Variants in CNBD2 observed in about 807,000 individuals in gnomAD.
CNBD2 encodes the protein cyclic nucleotide binding domain containing 2.
CNBD2 carries 64 observed loss-of-function variants against 63.7 expected under a neutral mutation model. The ratio of observed to expected loss-of-function variants is 1.00; its 90% CI spans 0.82 to 1.24. The LOEUF is 1.24. Ranked by LOEUF, CNBD2 falls within the 50% of genes most tolerant of loss-of-function variation. The probability of loss-of-function intolerance (pLI) is 0.00; values close to 1 mark genes in which losing one functional copy is unlikely to be tolerated. For synonymous variants in CNBD2, 229 were observed against 255.4 expected, an observed-to-expected ratio of 0.90 and a Z score of 0.99; for missense variants, 691 against 713.5, an observed-to-expected ratio of 0.97 and a Z score of 0.36.
At chr20:35,960,782 CATTCTCTTCCCTTCTCTTCCCTTCT>C (rs1568838683) in intron 2 of CNBD2, among the ~76,000 whole-genome samples, 3 of 86,108 alleles carry the variant, frequency 3.5e-5, no homozygotes, top group African/African-American at 7.6e-5. Context: ...CCTTCTCTTC[CATTCTCTTCCCTTCTCTTCCCTTCT>C]CTTCCCTTCC....
Position 35,968,793 on chromosome 20 carries a change from C to T in CNBD2, c.31C>T (p.Gln11Ter). ...GAGACATATGGTAACTTATGCCTGGCAGCTCCTGAAGAAGGAACTGGTGAG... is the reference window on the plus strand; with the variant it reads ...GAGACATATGGTAACTTATGCCTGGTAGCTCCTGAAGAAGGAACTGGTGAG... MRRHMVTYAW[Q>*]LLKKELGLYQ... Residue 11 changes from glutamine (Q) to a stop codon, truncating the protein, a stop_gained, in exon 1 of 12, where the codon CAG (glutamine) becomes TAG (stop). Coordinates refer to ENST00000373973, the MANE Select transcript of CNBD2 (RefSeq NM_001365709.1). LOFTEE classifies it high-confidence loss of function. 1 of 1,608,296 alleles carries T rather than the reference C, an allele frequency of 6.2e-7. No individual in the cohort carries two copies. The highest frequency in any genetic ancestry group is 1.7e-5 in the Admixed American group (1 of 59,214).
chr20:35,994,901 A>C (rs1381603474), intron 7 of CNBD2, 137 bp from the exon 8 acceptor site: 22 of 592,810 alleles, frequency 3.7e-5, no homozygotes, highest in Non-Finnish European at 6.3e-5. Context: ...AAAAAAGAAA[A>C]AAGAACCTGA....
At chr20:36,019,392 G>A (rs574434290) in intron 10 of CNBD2, among the ~76,000 whole-genome samples, 4 of 151,932 alleles carry the variant, frequency 2.6e-5, no homozygotes, top group South Asian at 2.1e-4. Flanking sequence ...GTGTGGTGGT[G>A]CACACCTGTA....
At position 36,011,257 on chromosome 20, in the gene CNBD2, G is replaced by A; in HGVS notation, c.1269G>A (p.Leu423=). The stretch of plus-strand genomic sequence containing the variant: ...ACACTGTGGAGCAGGGAGAAATTTT[G>A]GTGAGTGTGCCAAGAGCTCTGTTCA... ...KVHTVEQGEI[L]GLHQAFLPEG... Residue 423 remains leucine, a splice_region_variant and synonymous_variant, in exon 10 of 12, where the codon TTG becomes TTA. Coordinates refer to ENST00000373973, the MANE Select transcript of CNBD2 (RefSeq NM_001365709.1). The A allele has an allele frequency of 6.5e-7, 1 of 1,550,378 alleles. No homozygotes were observed. Among genetic ancestry groups the A allele is most frequent in the African/African-American group, 1.4e-5 (1 of 72,670 alleles).
upstream of CNBD2, among the ~76,000 whole-genome samples, chr20:35,965,944 G>A (rs1014702028): frequency 6.6e-6 from 1 of 152,136 alleles, no homozygotes; most frequent in East Asian, 1.9e-4. Flanking sequence ...TCATCAGGTC[G>A]TACTGGCATC....
At position 35,984,485 on chromosome 20, in the gene CNBD2, G is replaced by C. The variant is rs1290122837; in HGVS notation, c.565-142G>C. 8.0e-6 allele frequency: 7 copies of C among 875,568 alleles called. No homozygotes were observed. In the East Asian group the frequency reaches 1.6e-4, roughly 20 times the overall value. The allele number at this position is 875,568 out of a possible 1,614,324, so 54.2% of individuals were successfully genotyped here. On this transcript the variant is annotated intron_variant, in intron 5 of 11. Coordinates refer to ENST00000373973, the MANE Select transcript of CNBD2 (RefSeq NM_001365709.1). ...GTGGGCCCCAGTGGGAGAATGTGCA[G>C]GAGAATAGAGGAGGCTAGGGAACAC...
At position 36,008,284 on chromosome 20, in the gene CNBD2, C is replaced by T. The variant is rs761657720; in HGVS notation, c.971-13C>T. On this transcript the variant is annotated splice_polypyrimidine_tract_variant and intron_variant, in intron 8 of 11. Transcript: ENST00000373973. ...AGATCCATAAGTATCTTTTCCTGTG[C>T]TTTCTCTAACAGAATACTCTCCTAT... 6.3e-7 allele frequency: 1 copy of T among 1,593,452 alleles called. No individual in the cohort carries two copies. Among genetic ancestry groups the T allele is most frequent in the South Asian group, 1.1e-5 (1 of 87,944 alleles).
intron 10 of CNBD2, among the ~76,000 whole-genome samples, chr20:36,011,992 T>G (rs1012845784): frequency 6.6e-6 from 1 of 152,004 alleles, no homozygotes; most frequent in Admixed American, 6.6e-5. Context: ...ATTCCATCTC[T>G]GCTAAAAATA....
At chr20:35,959,180 A>G (rs141335327), downstream of CNBD2, 6 of 152,330 alleles carry the variant, frequency 3.9e-5, no homozygotes, top group African/African-American at 1.4e-4. Flanking sequence ...GGAGAAATAT[A>G]TATAAGGGAA....
At chr20:36,009,396 G>T (rs1020999078) in intron 9 of CNBD2, among the ~76,000 whole-genome samples, 3 of 151,702 alleles carry the variant, frequency 2.0e-5, no homozygotes, top group Non-Finnish European at 4.4e-5. Flanking sequence ...TAGAGACGAG[G>T]TTTCACCGTA....
intron 8 of CNBD2, among the ~76,000 whole-genome samples, chr20:36,001,805 C>G (rs1347471302): frequency 7.2e-6 from 1 of 138,686 alleles, no homozygotes. Flanking sequence ...GATGGGCGGC[C>G]GGGCAGAGAC....
At chr20:36,022,715 C>T (rs1366671142) in intron 10 of CNBD2, among the ~76,000 whole-genome samples, 1 of 152,014 alleles carries the variant, frequency 6.6e-6, no homozygotes, top group Non-Finnish European at 1.5e-5. Context: ...ACTGCAACCT[C>T]TACCTCCTGG....
At chr20:35,955,536 A>T (rs1435949818), downstream of CNBD2, among the ~76,000 whole-genome samples, 1 of 152,208 alleles carries the variant, frequency 6.6e-6, no homozygotes, top group African/African-American at 2.4e-5. Context: ...GGATTAAATA[A>T]ATTAAGCCGT....
intron 8 of CNBD2, among the ~76,000 whole-genome samples, chr20:36,006,314 C>T (rs1348320191): frequency 6.6e-6 from 1 of 152,074 alleles, no homozygotes; most frequent in Non-Finnish European, 1.5e-5. Flanking sequence ...AGGCATGAGC[C>T]ACCACACCCG....
At position 35,980,514 on chromosome 20, in the gene CNBD2, CAG is replaced by C; in HGVS notation, c.302_303del (p.Glu101GlyfsTer2). Reference sequence around the variant, plus strand: ...ATGCAGAAGAAGCCTTCCTGGAGAACAGAGGATGAGATCCAGGCCGTCTGTAA... The same window carrying C: ...ATGCAGAAGAAGCCTTCCTGGAGAACAGGATGAGATCCAGGCCGTCTGTAA... On this transcript the variant is annotated frameshift_variant, in exon 4 of 12. Transcript: ENST00000373973. LOFTEE classifies it high-confidence loss of function. The C allele has an allele frequency of 1.2e-6, 2 of 1,614,202 alleles. No individual in the cohort carries two copies.
At chr20:36,010,444 C>CAAAAAAAAAAAA (rs147122121) in intron 9 of CNBD2, among the ~76,000 whole-genome samples, 1 of 92,986 alleles carries the variant, frequency 1.1e-5, no homozygotes, top group Non-Finnish European at 2.3e-5. Flanking sequence ...AACTCTGTCT[C>CAAAAAAAAAAAA]AAAAAAAAAA....
downstream of CNBD2, among the ~76,000 whole-genome samples, chr20:35,956,531 C>G (rs187102046): frequency 4.4e-3 from 667 of 152,298 alleles, 11 homozygotes; most frequent in Non-Finnish European, 3.6e-3. Flanking sequence ...TTTACTGTTG[C>G]TCTCAGGTTG....
chr20:35,980,453 C>T lies in CNBD2; in HGVS notation c.244-6C>T. On this transcript the variant is annotated splice_region_variant and splice_polypyrimidine_tract_variant and intron_variant, in intron 3 of 11. Transcript: ENST00000373973. ...CCCCTGTATCACTCTGGTCCTCTCT[C>T]CCCAGGGTCACTTTCCTCCAAAGGC... is the stretch of plus-strand genomic sequence containing the variant. 1 of 1,613,970 alleles carries T rather than the reference C, an allele frequency of 6.2e-7. No homozygotes were observed.
intron 2 of CNBD2, among the ~76,000 whole-genome samples, chr20:35,975,473 T>C (rs1169366351): frequency 1.0e-4 from 13 of 126,406 alleles, no homozygotes; most frequent in African/African-American, 3.0e-4. Flanking sequence ...GCTAATTTTT[T>C]GTATTTTTAG....
Sources: gnomAD v4.1 joint callset for allele counts (sites outside exome capture counted in the v4.1 genomes callset) on GRCh38, gnomAD v4.1.1 for gene constraint, MANE v1.5 for transcripts, NCBI Gene and HGNC (gene_info 2026-07-23, HGNC 2026-07-21) for gene names.